Variants in NRF1 observed in about 807,000 individuals in gnomAD.
NRF1 encodes the protein nuclear respiratory factor 1.
Under a neutral mutation model 58.5 loss-of-function variants are expected in NRF1, and 5 were observed. The observed-to-expected ratio is 0.09, with a 90% CI of 0.04 to 0.18. The LOEUF (loss-of-function observed/expected upper bound fraction) is 0.18, where lower values mean the gene tolerates loss of function less well. NRF1 is among the 10% of genes least tolerant of loss of function. NRF1 has a pLI of 1.00. For synonymous variants in NRF1, 224 were observed against 246.7 expected, an observed-to-expected ratio of 0.91 and a Z score of 0.86; for missense variants, 288 against 657.7, an observed-to-expected ratio of 0.44 and a Z score of 6.15.
At chr7:129,752,442 C>T in intron 10 of NRF1, among the ~76,000 whole-genome samples, 1 of 152,152 alleles carries the variant, frequency 6.6e-6, no homozygotes, top group Admixed American at 6.5e-5. Flanking sequence ...TGGACCAGGG[C>T]AAACCACGAA....
At chr7:129,649,440 C>CTTTT (rs1369363875) in intron 1 of NRF1, among the ~76,000 whole-genome samples, 3 of 152,130 alleles carry the variant, frequency 2.0e-5, no homozygotes, top group Admixed American at 6.6e-5. Flanking sequence ...CATTTAGTTA[C>CTTTT]ACTTTGATTA....
At chr7:129,634,583 C>A (rs1801129299) in intron 1 of NRF1, among the ~76,000 whole-genome samples, 1 of 152,084 alleles carries the variant, frequency 6.6e-6, no homozygotes, top group Admixed American at 6.5e-5. Flanking sequence ...GTTTATCATT[C>A]ACATACTGAG....
chr7:129,730,651 T>G (rs1803557168), intron 10 of NRF1, among the ~76,000 whole-genome samples: 1 of 151,930 alleles, frequency 6.6e-6, no homozygotes, highest in South Asian at 2.1e-4. Context: ...TGAAGCAGTA[T>G]CCTAGGGGAT....
intron 1 of NRF1, among the ~76,000 whole-genome samples, chr7:129,644,979 T>C (rs1411488160): frequency 2.0e-5 from 3 of 151,816 alleles, no homozygotes; most frequent in South Asian, 2.1e-4. Context: ...GATTAAGAAC[T>C]CTATGATAGA....
chr7:129,626,451 G>C (rs1236516194), intron 1 of NRF1, among the ~76,000 whole-genome samples: 1 of 152,190 alleles, frequency 6.6e-6, no homozygotes, highest in Non-Finnish European at 1.5e-5. Context: ...ATTAAACTTA[G>C]AATTGGTTAA....
At chr7:129,739,097 A>G (rs1361777600) in intron 10 of NRF1, among the ~76,000 whole-genome samples, 1 of 152,240 alleles carries the variant, frequency 6.6e-6, no homozygotes, top group Non-Finnish European at 1.5e-5. Flanking sequence ...GGCAAATAAA[A>G]ACATGATACC....
chr7:129,727,301 G>A lies in NRF1; in HGVS notation c.1284G>A (p.Gln428=), dbSNP rs755894570. ...AGGCCACCTTACAAGGTGGGGGACA[G>A]ATCGTCTTGTCTGGGGAAACCGCAG... ...LAEATLQGGG[Q]IVLSGETAAA... Residue 428 remains glutamine (Q), a synonymous_variant, in exon 10 of 11, where the codon CAG becomes CAA. Coordinates refer to ENST00000393232, the MANE Select transcript of NRF1 (RefSeq NM_005011.5). The A allele has an allele frequency of 1.9e-6, 3 of 1,610,214 alleles. No individual in the cohort carries two copies. Among genetic ancestry groups the A allele is most frequent in the Non-Finnish European group, 8.5e-7 (1 of 1,178,776 alleles).
intron 7 of NRF1, among the ~76,000 whole-genome samples, 170 bp downstream of exon 7, chr7:129,710,741 C>T (rs1696949110): frequency 6.6e-6 from 1 of 152,092 alleles, no homozygotes; most frequent in African/African-American, 2.4e-5. Context: ...AAATTCTTTG[C>T]ATTTGCTAAA....
intron 2 of NRF1, among the ~76,000 whole-genome samples, chr7:129,665,788 A>ATT (rs1306486637): frequency 5.3e-5 from 8 of 152,020 alleles, no homozygotes; most frequent in Middle Eastern, 3.4e-3. Context: ...AATTTTTTAA[A>ATT]TTTTTGCAGA....
At chr7:129,690,817 CA>C (rs1174630677) in intron 5 of NRF1, among the ~76,000 whole-genome samples, 2 of 151,024 alleles carry the variant, frequency 1.3e-5, no homozygotes, top group African/African-American at 2.4e-5. Flanking sequence ...TAAAAAAAAA[CA>C]AAAAAACTTT....
At chr7:129,662,597 C>G (rs1037386686) in intron 2 of NRF1, among the ~76,000 whole-genome samples, 2 of 151,954 alleles carry the variant, frequency 1.3e-5, no homozygotes, top group Admixed American at 6.6e-5. Flanking sequence ...TCAATGAATA[C>G]TGGATGCTGT....
chr7:129,721,071 A>G (rs1244755403), intron 9 of NRF1, among the ~76,000 whole-genome samples: 2 of 151,958 alleles, frequency 1.3e-5, no homozygotes, highest in African/African-American at 2.4e-5. Flanking sequence ...AGCCTGAACA[A>G]CCAGAGAGGA....
intron 4 of NRF1, among the ~76,000 whole-genome samples, chr7:129,683,320 TGAGAGAGA>T (rs72404049): frequency 1.5e-4 from 20 of 136,478 alleles, no homozygotes; most frequent in East Asian, 5.7e-4. Context: ...TGTGTGTGTG[TGAGAGAGA>T]GAGAGAGAGA....
intron 10 of NRF1, among the ~76,000 whole-genome samples, chr7:129,734,376 C>G (rs1353049560): frequency 2.6e-5 from 4 of 152,342 alleles, no homozygotes; most frequent in African/African-American, 9.6e-5. Context: ...TACACTGTCT[C>G]CCTTTGATGT....
chr7:129,680,020 A>G (rs564413188), intron 4 of NRF1, among the ~76,000 whole-genome samples: 68 of 152,302 alleles, frequency 4.5e-4, no homozygotes, highest in Middle Eastern at 3.4e-3. Flanking sequence ...ATCACATGCC[A>G]CTGCACTCCA....
At chr7:129,627,292 GC>G (rs1226709470) in intron 1 of NRF1, among the ~76,000 whole-genome samples, 6 of 152,100 alleles carry the variant, frequency 3.9e-5, no homozygotes, top group Non-Finnish European at 8.8e-5. Flanking sequence ...GCTCACTGCA[GC>G]CTCAGTCTCC....
chr7:129,748,750 TAATACTG>T (rs966858216), intron 10 of NRF1, among the ~76,000 whole-genome samples: 1 of 152,252 alleles, frequency 6.6e-6, no homozygotes, highest in African/African-American at 2.4e-5. Flanking sequence ...ATTCATCCAA[TAATACTG>T]AATACTGAAA....
intron 8 of NRF1, 141 bp downstream of exon 8, chr7:129,711,717 G>A (rs1379726189): frequency 6.5e-6 from 4 of 617,682 alleles, no homozygotes; most frequent in Non-Finnish European, 8.4e-6. Flanking sequence ...GACCATGAAA[G>A]TTTTAGAAAG....
At chr7:129,649,200 ACTTTAGGCTT>A (rs757800083) in intron 1 of NRF1, among the ~76,000 whole-genome samples, 2 of 151,986 alleles carry the variant, frequency 1.3e-5, no homozygotes, top group Non-Finnish European at 2.9e-5. Context: ...CCTATAGTTG[ACTTTAGGCTT>A]CTTTAGGCTT....
Sources: gnomAD v4.1 joint callset for allele counts (sites outside exome capture counted in the v4.1 genomes callset) on GRCh38, gnomAD v4.1.1 for gene constraint, MANE v1.5 for transcripts, NCBI Gene and HGNC (gene_info 2026-07-23, HGNC 2026-07-21) for gene names.